KCNH8: variants seen among roughly 807,000 people sequenced by gnomAD.
KCNH8 encodes potassium voltage-gated channel subfamily H member 8.
KCNH8 carries 70 observed loss-of-function variants against 103.6 expected under a neutral mutation model. That is an observed-to-expected ratio of 0.68 (90% CI 0.56 to 0.82). The LOEUF (loss-of-function observed/expected upper bound fraction) is 0.82. KCNH8 is among the 40% of genes least tolerant of loss of function. KCNH8 has a pLI of 0.00. For missense variants in KCNH8, 1,217 were observed against 1,329.9 expected, an observed-to-expected ratio of 0.92 and a Z score of 1.32; for synonymous variants, 498 against 489.4, an observed-to-expected ratio of 1.02 and a Z score of -0.23.
intron 14 of KCNH8, among the ~76,000 whole-genome samples, chr3:19,517,694 A>G (rs1391482978): frequency 1.3e-5 from 2 of 151,960 alleles, no homozygotes; most frequent in African/African-American, 4.8e-5. Flanking sequence ...ATGGTCAAAG[A>G]AAAGAAAATG....
intron 7 of KCNH8, among the ~76,000 whole-genome samples, chr3:19,418,118 G>C (rs1444194153): frequency 2.0e-5 from 3 of 152,192 alleles, no homozygotes; most frequent in Admixed American, 6.5e-5. Flanking sequence ...TTCAAAAGGT[G>C]AGTATTATTT....
At chr3:19,429,508 A>G (rs775773439) in intron 7 of KCNH8, among the ~76,000 whole-genome samples, 25 of 152,186 alleles carry the variant, frequency 1.6e-4, no homozygotes, top group Non-Finnish European at 3.4e-4. Context: ...TGACACCTCA[A>G]AATTGGTGTT....
intron 7 of KCNH8, among the ~76,000 whole-genome samples, chr3:19,419,254 C>T (rs1214205732): frequency 3.7e-5 from 5 of 134,760 alleles, no homozygotes; most frequent in African/African-American, 5.6e-5. Context: ...GGCTGGAGTG[C>T]AGTGGCGCGA....
chr3:19,481,844 G>T (rs1460719914), intron 11 of KCNH8, among the ~76,000 whole-genome samples: 1 of 152,180 alleles, frequency 6.6e-6, no homozygotes, highest in Non-Finnish European at 1.5e-5. Context: ...GGTTGGGTAA[G>T]GAACACTGAG....
intron 3 of KCNH8, among the ~76,000 whole-genome samples, chr3:19,308,702 CTCTCTCTCTCT>C (rs2065165411): frequency 1.3e-5 from 1 of 79,850 alleles, no homozygotes; most frequent in Non-Finnish European, 2.4e-5. Flanking sequence ...CTCTCTCTCT[CTCTCTCTCTCT>C]CTCTCCCCCT....
At chr3:19,196,274 G>A (rs1048223014) in intron 1 of KCNH8, among the ~76,000 whole-genome samples, 1 of 151,872 alleles carries the variant, frequency 6.6e-6, no homozygotes, top group African/African-American at 2.4e-5. Flanking sequence ...GAATCTTCTA[G>A]TTCACATATA....
chr3:19,214,908 C>T (rs184199913), intron 1 of KCNH8, among the ~76,000 whole-genome samples: 1 of 152,310 alleles, frequency 6.6e-6, no homozygotes, highest in African/African-American at 2.4e-5. Flanking sequence ...GCCACCTTGG[C>T]CTGGAGAAAG....
At chr3:19,512,595 G>C (rs998397189) in intron 12 of KCNH8, among the ~76,000 whole-genome samples, 2 of 152,070 alleles carry the variant, frequency 1.3e-5, no homozygotes, top group African/African-American at 4.8e-5. Context: ...CATTAAAATG[G>C]AAAATGTCTT....
intron 1 of KCNH8, among the ~76,000 whole-genome samples, chr3:19,215,805 C>A (rs369697636): frequency 6.6e-6 from 1 of 152,190 alleles, no homozygotes; most frequent in Non-Finnish European, 1.5e-5. Flanking sequence ...AATTTACCCA[C>A]GTCAGAAAGG....
chr3:19,324,274 C>T (rs530104817), intron 3 of KCNH8, among the ~76,000 whole-genome samples: 169 of 152,176 alleles, frequency 1.1e-3, no homozygotes, highest in African/African-American at 3.9e-3. Flanking sequence ...ACTCACAGTT[C>T]CACATGGCTG....
At chr3:19,351,221 A>T (rs922169940) in intron 5 of KCNH8, among the ~76,000 whole-genome samples, 1 of 152,174 alleles carries the variant, frequency 6.6e-6, no homozygotes, top group Non-Finnish European at 1.5e-5. Flanking sequence ...GCCTCCAAGA[A>T]ACATGGGACT....
chr3:19,513,513 A>C (rs1045239819), intron 13 of KCNH8, among the ~76,000 whole-genome samples, 188 bp downstream of exon 13: 1 of 152,156 alleles, frequency 6.6e-6, no homozygotes, highest in Non-Finnish European at 1.5e-5. Flanking sequence ...CAGGATGGGC[A>C]AAATATGTTC....
rs144962304 is a variant in KCNH8 at position 19,424,642 on chromosome 3, A to G, written c.1178-13522A>G. The stretch of plus-strand genomic sequence containing the variant: ...TCATTAAACTAAAAAGGAGGAAATG[A>G]TCAGAAGAGTAAACCGATGACCCAC... On this transcript the variant is annotated intron_variant, in intron 7 of 15. Coordinates refer to ENST00000328405, the MANE Select transcript of KCNH8 (RefSeq NM_144633.3). Among the ~76,000 whole-genome samples the G allele has an allele frequency of 7.8e-4, 119 of 152,278 alleles. 2 individuals carry two copies. In the East Asian group the frequency reaches 0.021, roughly 26 times the overall value.
chr3:19,149,137 T>G (rs1012441526), intron 1 of KCNH8, among the ~76,000 whole-genome samples: 2 of 152,088 alleles, frequency 1.3e-5, no homozygotes, highest in Non-Finnish European at 2.9e-5. Context: ...GGAATATCGG[T>G]GTACCTAATC....
chr3:19,160,075 A>G (rs1343416752), intron 1 of KCNH8, among the ~76,000 whole-genome samples: 1 of 152,154 alleles, frequency 6.6e-6, no homozygotes, highest in African/African-American at 2.4e-5. Context: ...GATAACTGGG[A>G]GAAAATGCAG....
chr3:19,217,664 C>T lies in KCNH8; in HGVS notation c.77-35990C>T, dbSNP rs549926904. Among the ~76,000 whole-genome samples, 17 of 152,252 alleles carry T rather than the reference C, an allele frequency of 1.1e-4. No individual in the cohort carries two copies. In the South Asian group the frequency reaches 2.5e-3, roughly 22 times the overall value. On this transcript the variant is annotated intron_variant, in intron 1 of 15. Transcript: ENST00000328405. ...TAATTAAGTAAGTTGCTCAAAATCTCGTAGGTATTAAGCTGTCCAGCTGGG... is the reference window on the plus strand; with the variant it reads ...TAATTAAGTAAGTTGCTCAAAATCTTGTAGGTATTAAGCTGTCCAGCTGGG...
chr3:19,298,674 G>A (rs1283145588), intron 3 of KCNH8, among the ~76,000 whole-genome samples: 4 of 152,262 alleles, frequency 2.6e-5, no homozygotes, highest in Non-Finnish European at 5.9e-5. Context: ...TGTAATCCCA[G>A]CACTTTGGGA....
intron 1 of KCNH8, among the ~76,000 whole-genome samples, chr3:19,242,560 T>TCCC (rs1466305717): frequency 1.3e-5 from 2 of 152,094 alleles, no homozygotes; most frequent in Non-Finnish European, 2.9e-5. Flanking sequence ...AGAAGGGAAT[T>TCCC]CCCCCTCTCC....
intron 7 of KCNH8, among the ~76,000 whole-genome samples, chr3:19,433,235 A>G (rs950963446): frequency 6.6e-6 from 1 of 152,188 alleles, no homozygotes; most frequent in African/African-American, 2.4e-5. Flanking sequence ...TACTAACAGT[A>G]TATAATATTG....
Sources: gnomAD v4.1 joint callset for allele counts (sites outside exome capture counted in the v4.1 genomes callset) on GRCh38, gnomAD v4.1.1 for gene constraint, MANE v1.5 for transcripts, NCBI Gene and HGNC (gene_info 2026-07-23, HGNC 2026-07-21) for gene names.